The following RAP1GAP2 variants were observed in gnomAD, a reference collection of about 807,000 sequenced individuals.
RAP1GAP2 encodes the protein rap1 GTPase-activating protein 2.
A neutral mutation model predicts 95.0 loss-of-function variants in RAP1GAP2; 27 were observed. The observed-to-expected ratio is 0.28, with a 90% CI of 0.21 to 0.39. RAP1GAP2 has a LOEUF of 0.39. Ranked by LOEUF, RAP1GAP2 falls within the 10% of genes least tolerant of loss-of-function variation. The pLI is 1.00. For synonymous variants in RAP1GAP2, 373 were observed against 380.9 expected (o/e 0.98, Z 0.24); for missense variants, 771 against 970.0 (o/e 0.79, Z 2.72).
At chr17:2,862,190 C>T (rs1405979035) in intron 2 of RAP1GAP2, among the ~76,000 whole-genome samples, 1 of 152,182 alleles carries the variant, frequency 6.6e-6, no homozygotes, top group Non-Finnish European at 1.5e-5. Flanking sequence ...GGAGCCAGGG[C>T]TCTTCTTGAC....
chr17:2,963,554 C>T lies in RAP1GAP2; in HGVS notation c.279+92C>T. The T allele has an allele frequency of 1.3e-6, 2 of 1,535,764 alleles. No individual in the cohort carries two copies. The highest frequency in any genetic ancestry group is 2.2e-5 in the South Asian group (2 of 89,088). ...ATGGCGATGGCCTGTGCCCAGCCCC[C>T]CAGGGGAGAGAACCTTGGGCCTGGG... On this transcript the variant is annotated intron_variant, in intron 6 of 24. Coordinates refer to ENST00000254695, the MANE Select transcript of RAP1GAP2 (RefSeq NM_015085.5). This position sits in a 1 kb window ranked among gnomAD's most constrained non-coding sequence, Gnocchi z 4.8.
chr17:2,836,313 A>C (rs2071128193), intron 2 of RAP1GAP2, among the ~76,000 whole-genome samples: 1 of 152,060 alleles, frequency 6.6e-6, no homozygotes, highest in South Asian at 2.1e-4. Context: ...AGTCCATGAA[A>C]ACTTTTGTAA....
At chr17:2,917,765 A>G (rs148073542) in intron 3 of RAP1GAP2, among the ~76,000 whole-genome samples, 3,850 of 151,334 alleles carry the variant, frequency 0.025, 160 homozygotes, top group African/African-American at 0.088. Context: ...GCCCAGGCTG[A>G]AGTACAATGG....
rs1167007082 is a variant in RAP1GAP2, at chr17:2,932,652, C to A, written c.166-25107C>A. On this transcript the variant is annotated intron_variant, in intron 3 of 24. Transcript: ENST00000254695. ...CCAACATGGTGAAACCCCGTCTCTACTAAAAATACAAAAATTAGCCAGGAG... is the reference window on the plus strand; with the variant it reads ...CCAACATGGTGAAACCCCGTCTCTAATAAAAATACAAAAATTAGCCAGGAG... Among the ~76,000 whole-genome samples, 8 of 145,930 alleles carry A rather than the reference C, an allele frequency of 5.5e-5. No homozygotes were observed. In the South Asian group the frequency reaches 1.5e-3, roughly 28 times the overall value.
At chr17:2,928,192 T>C (rs1418943542) in intron 3 of RAP1GAP2, among the ~76,000 whole-genome samples, 3 of 152,240 alleles carry the variant, frequency 2.0e-5, no homozygotes, top group African/African-American at 7.2e-5. Context: ...AAGGTGCCAC[T>C]GTCCGCTTCC....
intron 2 of RAP1GAP2, among the ~76,000 whole-genome samples, chr17:2,835,124 G>A (rs551088153): frequency 9.9e-5 from 15 of 151,090 alleles, no homozygotes; most frequent in African/African-American, 2.4e-4. Flanking sequence ...GGGATTCACC[G>A]TGTTAGCCAG....
chr17:2,814,772 T>C (rs1396856281), intron 2 of RAP1GAP2, among the ~76,000 whole-genome samples: 1 of 151,802 alleles, frequency 6.6e-6, no homozygotes, highest in Admixed American at 6.6e-5. Context: ...TCTGAGAGGG[T>C]GGAGTGGGCG....
intron 8 of RAP1GAP2, 25 bp from the exon 9 acceptor site, chr17:2,980,262 T>C: frequency 6.2e-7 from 1 of 1,611,930 alleles, no homozygotes; most frequent in Non-Finnish European, 8.5e-7. Context: ...CTTAGGGATG[T>C]CCTTTTTTCT....
intron 2 of RAP1GAP2, among the ~76,000 whole-genome samples, chr17:2,881,341 G>A (rs1481571464): frequency 6.6e-6 from 1 of 152,190 alleles, no homozygotes; most frequent in Admixed American, 6.5e-5. Flanking sequence ...TAGGATTTGG[G>A]AGCATTTTGG....
intron 2 of RAP1GAP2, among the ~76,000 whole-genome samples, chr17:2,890,842 G>A (rs1304684898): frequency 1.3e-5 from 2 of 151,754 alleles, no homozygotes; most frequent in East Asian, 1.9e-4. Context: ...CCGCCACCAC[G>A]CCCGGCTAAT....
At chr17:3,017,926 T>C in intron 17 of RAP1GAP2, 135 bp from the exon 18 acceptor site, 1 of 760,788 alleles carries the variant, frequency 1.3e-6, no homozygotes, top group Non-Finnish European at 2.0e-6. Context: ...CGTGTGTGTG[T>C]GTGTGTGTGT....
chr17:2,783,737 A>G (rs778767703), intron 1 of RAP1GAP2, among the ~76,000 whole-genome samples: 3 of 152,308 alleles, frequency 2.0e-5, no homozygotes, highest in Admixed American at 1.3e-4. Flanking sequence ...ACGCTTCTCC[A>G]CTCAGCATTG....
chr17:2,968,251 AC>A (rs1264227010), intron 8 of RAP1GAP2, among the ~76,000 whole-genome samples: 1 of 151,892 alleles, frequency 6.6e-6, no homozygotes, highest in Non-Finnish European at 1.5e-5. Context: ...ATAAAAATGG[AC>A]AAAAAGAATT....
In RAP1GAP2 at chr17:2,974,185, C is replaced by CAAAAAAA. The variant is rs59861570; in HGVS notation, c.597-6094_597-6088dup. 1.4e-3 allele frequency among the ~76,000 whole-genome samples: 196 copies of CAAAAAAA among 137,732 alleles called. 9 individuals are homozygous for CAAAAAAA. In the East Asian group the frequency reaches 0.031, roughly 22 times the overall value. The allele number at this position is 137,732 out of a possible 152,430, so 90.4% of individuals were successfully genotyped here. On this transcript the variant is annotated intron_variant, in intron 8 of 24. Transcript: ENST00000254695. Reference sequence around the variant, plus strand: ...TGAAACCCTGTCTCTACTAAAAATACAAAAAAAAAAAAAATTAGCTGGGCG... The same window carrying CAAAAAAA: ...TGAAACCCTGTCTCTACTAAAAATACAAAAAAAAAAAAAAAAAAAAATTAGCTGGGCG...
intron 2 of RAP1GAP2, among the ~76,000 whole-genome samples, chr17:2,832,206 A>AG (rs992988391): frequency 6.7e-6 from 1 of 148,710 alleles, no homozygotes; most frequent in African/African-American, 2.5e-5. Flanking sequence ...TCTGTCTCCA[A>AG]AAAAAAAAAG....
intron 1 of RAP1GAP2, among the ~76,000 whole-genome samples, chr17:2,778,029 G>C (rs1244721906): frequency 7.2e-6 from 1 of 138,138 alleles, no homozygotes. Context: ...AGGCTGGGAG[G>C]CTGGGAGGCG....
chr17:2,969,179 C>CTATATATA (rs769314712), intron 8 of RAP1GAP2, among the ~76,000 whole-genome samples: 27 of 143,224 alleles, frequency 1.9e-4, no homozygotes, highest in African/African-American at 6.5e-4. Flanking sequence ...ATCTATCTAT[C>CTATATATA]TATATATATA....
intron 2 of RAP1GAP2, among the ~76,000 whole-genome samples, chr17:2,837,587 T>A (rs2071191152): frequency 1.3e-5 from 2 of 148,888 alleles, no homozygotes; most frequent in South Asian, 4.3e-4. Flanking sequence ...ACCATCTGTG[T>A]CAGGGTGTCA....
At chr17:2,852,431 C>T (rs1048810916) in intron 2 of RAP1GAP2, among the ~76,000 whole-genome samples, 8 of 152,128 alleles carry the variant, frequency 5.3e-5, no homozygotes, top group Non-Finnish European at 1.0e-4. Flanking sequence ...TTCCTCCCCT[C>T]CACCCCAACT....
Sources: gnomAD v4.1 joint callset for allele counts (sites outside exome capture counted in the v4.1 genomes callset) on GRCh38, gnomAD v4.1.1 for gene constraint, Gnocchi (gnomAD v3.1) non-coding constraint, MANE v1.5 for transcripts, NCBI Gene and HGNC (gene_info 2026-07-23, HGNC 2026-07-21) for gene names.